Variants in ZNRF3 observed in about 807,000 individuals in gnomAD.
ZNRF3 encodes E3 ubiquitin-protein ligase ZNRF3.
In ZNRF3, 23 loss-of-function variants were observed where a neutral mutation model predicts 72.5. The observed-to-expected ratio is 0.32, with a 90% confidence interval of 0.23 to 0.45. The LOEUF (loss-of-function observed/expected upper bound fraction) is 0.45. ZNRF3 is among the 20% of genes least tolerant of loss of function. ZNRF3 has a pLI of 1.00. For synonymous variants in ZNRF3, 610 were observed against 545.3 expected (o/e 1.12, Z -1.65); for missense variants, 1,169 against 1,272.1 (o/e 0.92, Z 1.23).
intron 1 of ZNRF3, among the ~76,000 whole-genome samples, chr22:28,907,229 G>A (rs2034226865): frequency 6.6e-6 from 1 of 151,598 alleles, no homozygotes; most frequent in African/African-American, 2.4e-5. Flanking sequence ...CTGAGCTCAG[G>A]CAATCTGCCC....
chr22:28,958,889 A>G (rs550911077), intron 1 of ZNRF3, among the ~76,000 whole-genome samples: 1 of 152,374 alleles, frequency 6.6e-6, no homozygotes, highest in African/African-American at 2.4e-5. Context: ...TCTTACAGCA[A>G]AGATTAAATG....
intron 2 of ZNRF3, among the ~76,000 whole-genome samples, chr22:29,035,614 C>T (rs996386938): frequency 2.0e-5 from 3 of 152,194 alleles, no homozygotes; most frequent in African/African-American, 4.8e-5. Context: ...CTCGCTCTGT[C>T]GCCCAGGCTG....
intron 1 of ZNRF3, among the ~76,000 whole-genome samples, chr22:28,957,219 T>C (rs530051333): frequency 5.9e-5 from 9 of 152,284 alleles, no homozygotes; most frequent in African/African-American, 2.2e-4. Flanking sequence ...TTTACTGTGG[T>C]GCACTGGTTA....
intron 2 of ZNRF3, among the ~76,000 whole-genome samples, chr22:28,989,471 C>T (rs568249095): frequency 6.6e-5 from 10 of 152,196 alleles, no homozygotes; most frequent in Middle Eastern, 3.4e-3. Flanking sequence ...ATGAGCCCCC[C>T]GGGGGCTGGT....
At chr22:29,042,320 C>A (rs1393601661) in intron 2 of ZNRF3, among the ~76,000 whole-genome samples, 175 bp from the exon 3 acceptor site, 1 of 152,184 alleles carries the variant, frequency 6.6e-6, no homozygotes, top group Admixed American at 6.5e-5. Flanking sequence ...AGTCATCAGT[C>A]CCCTTCTTTA....
chr22:28,942,848 G>T (rs2034972201), intron 1 of ZNRF3, among the ~76,000 whole-genome samples: 1 of 152,132 alleles, frequency 6.6e-6, no homozygotes, highest in South Asian at 2.1e-4. Context: ...TGTGTGATTG[G>T]TGTTGCCCTT....
intron 1 of ZNRF3, among the ~76,000 whole-genome samples, chr22:28,901,007 A>T (rs1312511883): frequency 1.3e-5 from 2 of 152,076 alleles, no homozygotes; most frequent in Non-Finnish European, 2.9e-5. Context: ...GCCACTTGGG[A>T]GGCTGAGGTG....
At chr22:29,017,787 G>A (rs1036292164) in intron 2 of ZNRF3, among the ~76,000 whole-genome samples, 10 of 152,146 alleles carry the variant, frequency 6.6e-5, no homozygotes, top group East Asian at 5.8e-4. Context: ...GCTTATATCC[G>A]TCAACCAGGA....
intron 2 of ZNRF3, among the ~76,000 whole-genome samples, 183 bp downstream of exon 2, chr22:28,987,384 C>T (rs2035873604): frequency 6.6e-6 from 1 of 152,208 alleles, no homozygotes; most frequent in African/African-American, 2.4e-5. Flanking sequence ...TGTTTACAAG[C>T]CCAGACTGAA....
At chr22:29,024,701 T>G (rs2036596450) in intron 2 of ZNRF3, among the ~76,000 whole-genome samples, 1 of 152,136 alleles carries the variant, frequency 6.6e-6, no homozygotes, top group African/African-American at 2.4e-5. Flanking sequence ...AATAAGTATT[T>G]GTTAAATTAA....
chr22:28,914,448 A>G (rs1352028339), intron 1 of ZNRF3, among the ~76,000 whole-genome samples: 1 of 149,112 alleles, frequency 6.7e-6, no homozygotes, highest in African/African-American at 2.4e-5. Context: ...AGGAGTTTAA[A>G]TTCTTCTCCA....
intron 1 of ZNRF3, among the ~76,000 whole-genome samples, chr22:28,906,037 T>C (rs11704844): frequency 0.038 from 5,853 of 152,286 alleles, 158 homozygotes; most frequent in Non-Finnish European, 0.06. Context: ...TAAAAAAGCC[T>C]GTTGAGGCTA....
chr22:28,929,386 G>A (rs1037607627), intron 1 of ZNRF3, among the ~76,000 whole-genome samples: 4 of 151,980 alleles, frequency 2.6e-5, no homozygotes, highest in Non-Finnish European at 5.9e-5. Flanking sequence ...GTAGGATATC[G>A]AGCCACATCC....
intron 1 of ZNRF3, among the ~76,000 whole-genome samples, chr22:28,925,587 G>A (rs927409845): frequency 6.6e-6 from 1 of 152,118 alleles, no homozygotes; most frequent in African/African-American, 2.4e-5. Context: ...TTTCAAGCAT[G>A]CAGGAAAAGT....
intron 1 of ZNRF3, among the ~76,000 whole-genome samples, chr22:28,970,462 T>C (rs1417391779): frequency 6.6e-6 from 1 of 152,230 alleles, no homozygotes; most frequent in East Asian, 1.9e-4. Context: ...GAGTTTCTTA[T>C]AAAGCTCAAC....
In ZNRF3 at chr22:29,039,281, C is replaced by G. The variant is rs563041160; in HGVS notation, c.427-3214C>G. On this transcript the variant is annotated intron_variant, in intron 2 of 8. Coordinates refer to ENST00000544604, the MANE Select transcript of ZNRF3 (RefSeq NM_001206998.2). The stretch of plus-strand genomic sequence containing the variant: ...TAAATGGCTTCCCTGAGGCATGTCT[C>G]TCCTGGGAAGGCATTCCCTACCCCA... 2.6e-4 allele frequency among the ~76,000 whole-genome samples: 40 copies of G among 152,302 alleles called. No homozygotes were observed. In the South Asian group the frequency reaches 6.6e-3, roughly 25 times the overall value.
intron 8 of ZNRF3, among the ~76,000 whole-genome samples, chr22:29,053,092 C>T (rs561407748): frequency 5.0e-4 from 76 of 152,292 alleles, no homozygotes; most frequent in Non-Finnish European, 1.0e-3. Context: ...GCCCCTGTCC[C>T]GTTCTTCCCA....
chr22:29,021,011 T>G lies in ZNRF3; in HGVS notation c.427-21484T>G, dbSNP rs1299426380. Among the ~76,000 whole-genome samples the G allele has an allele frequency of 2.0e-5, 3 of 152,174 alleles. No individual in the cohort carries two copies. In the East Asian group the frequency reaches 5.8e-4, roughly 30 times the overall value. ...TGGGGTTTCACCGTGTTAGCCAGGA[T>G]GGTCTCTATCTCTTGAGCTTGTGAT... On this transcript the variant is annotated intron_variant, in intron 2 of 8. Transcript: ENST00000544604.
At chr22:29,019,472 C>T (rs557444943) in intron 2 of ZNRF3, among the ~76,000 whole-genome samples, 1 of 152,198 alleles carries the variant, frequency 6.6e-6, no homozygotes, top group East Asian at 1.9e-4. Context: ...TAATTCTGTT[C>T]CCATATGAAA....
Sources: allele counts gnomAD v4.1 joint callset (sites outside exome capture counted in the v4.1 genomes callset), GRCh38; gene constraint gnomAD v4.1.1; transcripts MANE v1.5; gene names NCBI Gene and HGNC (gene_info 2026-07-23, HGNC 2026-07-21).